The following GAB3 variants were observed in gnomAD, a reference collection of about 807,000 sequenced individuals.
The protein encoded by GAB3 is GRB2-associated-binding protein 3.
A neutral mutation model predicts 40.4 loss-of-function variants in GAB3; 12 were observed. The ratio of observed to expected loss-of-function variants is 0.30; its 90% CI spans 0.19 to 0.48. GAB3 has a LOEUF of 0.48. Ranked by LOEUF, GAB3 falls within the 20% of genes least tolerant of loss-of-function variation. The pLI is 0.99. For missense variants in GAB3, 381 were observed against 461.9 expected, an observed-to-expected ratio of 0.82 and a Z score of 1.61; for synonymous variants, 154 against 176.7, an observed-to-expected ratio of 0.87 and a Z score of 1.02.
At chrX:154,713,633 T>TA (rs1326265775) in intron 2 of GAB3, among the ~76,000 whole-genome samples, 3 of 101,983 alleles carry the variant, frequency 2.9e-5, no homozygotes, top group Non-Finnish European at 4.0e-5. Flanking sequence ...CAATTAAGAG[T>TA]AAAAAACCCA....
At chrX:154,715,397 TGTGTGTGCGTGTGTGC>T (rs58814017) in intron 2 of GAB3, among the ~76,000 whole-genome samples, 1 of 108,227 alleles carries the variant, frequency 9.2e-6, no homozygotes, top group African/African-American at 3.4e-5. Context: ...ATGAGTTGTG[TGTGTGTGCGTGTGTGC>T]GTGTGTGCGT....
intron 8 of GAB3, among the ~76,000 whole-genome samples, chrX:154,682,995 T>C (rs1197514703): frequency 1.8e-5 from 2 of 112,004 alleles, no homozygotes; most frequent in African/African-American, 3.2e-5. Flanking sequence ...AATAAAATAA[T>C]AAATAAATAA....
intron 1 of GAB3, among the ~76,000 whole-genome samples, chrX:154,717,994 G>A (rs1043595277): frequency 9.0e-6 from 1 of 111,402 alleles, no homozygotes; most frequent in Non-Finnish European, 1.9e-5. Flanking sequence ...ATAGCTCTGT[G>A]GTTTTTCTCT....
In GAB3 at chrX:154,677,090, T is replaced by C. The variant is rs1451152265; in HGVS notation, c.*1088A>G. On this transcript the variant is annotated 3_prime_UTR_variant, in exon 10 of 10. Coordinates refer to ENST00000424127, the MANE Select transcript of GAB3 (RefSeq NM_001081573.3). ...TGCTAGCTCACAGGGAAACACACTG[T>C]ATAGGTGACCATGAGAATGGCCTTC... 1.8e-5 allele frequency: 2 copies of C among 111,905 alleles called. No homozygotes were observed. The highest frequency in any genetic ancestry group is 3.3e-5 in the African/African-American group (1 of 30,769). 9.2% of individuals were successfully genotyped at this position (111,905 alleles called of 1,213,427 possible).
intron 1 of GAB3, among the ~76,000 whole-genome samples, chrX:154,729,119 A>G (rs1445678608): frequency 8.9e-6 from 1 of 112,094 alleles, no homozygotes; most frequent in Admixed American, 9.5e-5. Flanking sequence ...TTTCCTGGAC[A>G]TTTCTTTACA....
chrX:154,683,446 A>C (rs1557247235), intron 8 of GAB3, among the ~76,000 whole-genome samples: 2 of 111,718 alleles, frequency 1.8e-5, no homozygotes, highest in African/African-American at 6.5e-5. Context: ...CAGTGCAGAG[A>C]CCTTTTGTTT....
At chrX:154,729,089 G>T (rs782716656) in intron 1 of GAB3, among the ~76,000 whole-genome samples, 5 of 111,741 alleles carry the variant, frequency 4.5e-5, no homozygotes, top group Non-Finnish European at 7.5e-5. Flanking sequence ...TGAGGGAACT[G>T]GGGGGAAAAG....
At chrX:154,748,748 A>G (rs782172124) in intron 1 of GAB3, among the ~76,000 whole-genome samples, 10 of 112,093 alleles carry the variant, frequency 8.9e-5, no homozygotes, top group Non-Finnish European at 1.7e-4. Flanking sequence ...TAAATGTTAA[A>G]CTATAAACTG....
At chrX:154,735,036 T>C (rs996500271) in intron 1 of GAB3, among the ~76,000 whole-genome samples, 1 of 111,973 alleles carries the variant, frequency 8.9e-6, no homozygotes. Context: ...TAGAAAAACA[T>C]GGGCAAAATA....
intron 8 of GAB3, among the ~76,000 whole-genome samples, chrX:154,684,667 G>A (rs1251806515): frequency 9.0e-6 from 1 of 111,060 alleles, no homozygotes; most frequent in Non-Finnish European, 1.9e-5. Context: ...TTCTGCTTTT[G>A]CCTTTATTCT....
chrX:154,697,058 T>C (rs2070669124), intron 7 of GAB3, 74 bp downstream of exon 7: 1 of 874,497 alleles, frequency 1.1e-6, no homozygotes, highest in African/African-American at 2.0e-5. Context: ...GGGCTTCAAC[T>C]ACATTTAATC....
At chrX:154,692,997 T>C (rs1339272727) in intron 8 of GAB3, among the ~76,000 whole-genome samples, 2 of 111,815 alleles carry the variant, frequency 1.8e-5, no homozygotes, top group Non-Finnish European at 3.8e-5. Context: ...AAGTCAAGCA[T>C]ACACTTGTAT....
intron 1 of GAB3, among the ~76,000 whole-genome samples, chrX:154,744,162 C>T (rs1603428245): frequency 2.2e-5 from 2 of 89,034 alleles, no homozygotes; most frequent in Non-Finnish European, 4.2e-5. Flanking sequence ...TGCAGTGAGC[C>T]GAGATCGTGC....
chrX:154,751,192 G>A, upstream of GAB3: 1 of 337,159 alleles, frequency 3.0e-6, no homozygotes, highest in Non-Finnish European at 3.8e-6. Flanking sequence ...GGAGGGAACC[G>A]ACGCCGCCCG....
chrX:154,740,770 A>G (rs1478189707), intron 1 of GAB3, among the ~76,000 whole-genome samples: 2 of 112,204 alleles, frequency 1.8e-5, no homozygotes, highest in African/African-American at 6.5e-5. Context: ...GAATTAAAGT[A>G]GATATCTATC....
intron 1 of GAB3, among the ~76,000 whole-genome samples, chrX:154,739,216 A>G (rs1557260916): frequency 8.9e-6 from 1 of 111,968 alleles, no homozygotes; most frequent in East Asian, 2.8e-4. Flanking sequence ...ATGCCCTGAA[A>G]CTCATTAACA....
intron 1 of GAB3, among the ~76,000 whole-genome samples, chrX:154,729,051 G>A (rs1338640685): frequency 4.5e-5 from 5 of 111,627 alleles, no homozygotes; most frequent in Admixed American, 9.5e-5. Flanking sequence ...TTGTGAGACC[G>A]AACTAGAATT....
rs1557256746 is a variant in GAB3, at chrX:154,713,283, T to G, written c.520A>C (p.Ser174Arg). 8.3e-7 allele frequency: 1 copy of G among 1,211,021 alleles called. No homozygotes were observed. Among genetic ancestry groups the G allele is most frequent in the Non-Finnish European group, 1.1e-6 (1 of 895,179 alleles). The change falls in exon 3 of 10, where the codon AGT becomes CGT. Residue 174 changes from serine (S) to arginine (R), a missense_variant. By Grantham distance (110) the Ser-to-Arg change is moderately radical (BLOSUM62 -1). Transcript: ENST00000424127. Reference sequence around the variant, plus strand: ...GGAAGGAAGAGAAGCTCTGACTCACTTCTGGTTTCCTCAGTGGCTACGGCA... The same window carrying G: ...GGAAGGAAGAGAAGCTCTGACTCACGTCTGGTTTCCTCAGTGGCTACGGCA... ...TNAVATEETR[S>R]ESELLFLPDY...
At chrX:154,750,902 G>C in intron 1 of GAB3, 52 bp downstream of exon 1, 1 of 752,367 alleles carries the variant, frequency 1.3e-6, no homozygotes. Context: ...CCGCCCCGCG[G>C]GCGGGTGCCC....
Sources: gnomAD v4.1 joint callset for allele counts (sites outside exome capture counted in the v4.1 genomes callset) on GRCh38, gnomAD v4.1.1 for gene constraint, MANE v1.5 for transcripts, NCBI Gene and HGNC (gene_info 2026-07-23, HGNC 2026-07-21) for gene names.